DNAH14: variants seen among roughly 807,000 people sequenced by gnomAD.
DNAH14 encodes dynein axonemal heavy chain 14.
In DNAH14, 478 loss-of-function variants were observed where a neutral mutation model predicts 520.9. That is an observed-to-expected ratio of 0.92 (90% confidence interval 0.85 to 0.99). DNAH14 has a LOEUF of 0.99. DNAH14 is among the 50% of genes least tolerant of loss of function. DNAH14 has a pLI of 0.00. For missense variants in DNAH14, 4,831 were observed against 5,234.5 expected (o/e 0.92, Z 2.38); for synonymous variants, 1,581 against 1,757.2 (o/e 0.90, Z 2.51).
At chr1:225,106,250 A>C (rs1413935620) in intron 23 of DNAH14, among the ~76,000 whole-genome samples, 1 of 151,694 alleles carries the variant, frequency 6.6e-6, no homozygotes, top group Admixed American at 6.6e-5. Flanking sequence ...CCGAGAGACC[A>C]GCTGTTAGTG....
chr1:225,194,306 T>C (rs1201737930), intron 38 of DNAH14, among the ~76,000 whole-genome samples: 1 of 152,160 alleles, frequency 6.6e-6, no homozygotes, highest in African/African-American at 2.4e-5. Context: ...ATGATACTTA[T>C]ACAAATGCAG....
chr1:225,307,594 T>A, intron 59 of DNAH14, 25 bp downstream of exon 59: 1 of 1,494,772 alleles, frequency 6.7e-7, no homozygotes, highest in Non-Finnish European at 9.0e-7. Context: ...AAATCTCTTT[T>A]AAAGATTTTA....
Position 225,043,990 on chromosome 1 carries a change from GT to G in DNAH14, c.1912+12del, listed in dbSNP as rs1003466109. On this transcript the variant is annotated splice_region_variant and intron_variant, in intron 15 of 85. Transcript: ENST00000682510. ...AATATGGAAAAATGTATAAGTAAGT[GT>G]TTTTAAAGCTTAGTGAAATGCATTG... 6 of 1,441,726 alleles carry G rather than the reference GT, an allele frequency of 4.2e-6. No individual in the cohort carries two copies. The Admixed American group carries it at 9.3e-5, about 22-fold the overall frequency. The allele number at this position is 1,441,726 out of a possible 1,614,324, so 89.3% of individuals were successfully genotyped here.
rs1558890802 is a variant in DNAH14, at chr1:225,080,386, C to T, written c.2774C>T (p.Thr925Ile). The T allele has an allele frequency of 1.3e-6, 2 of 1,528,082 alleles. No individual in the cohort carries two copies. Among genetic ancestry groups the T allele is most frequent in the Non-Finnish European group, 1.8e-6 (2 of 1,136,762 alleles). The allele number at this position is 1,528,082 out of a possible 1,614,324, so 94.7% of individuals were successfully genotyped here. A position where few individuals can be genotyped will look rare whatever the true frequency, so the allele number is the denominator to read the frequency against. Residue 925 changes from threonine to isoleucine, a missense_variant, in exon 19 of 86, where the codon ACT becomes ATT. Physicochemically the swap from Thr to Ile is moderately conservative, Grantham distance 89. Coordinates refer to ENST00000682510, the MANE Select transcript of DNAH14 (RefSeq NM_001367479.1). ...CCTACTCTTATTTTTTAGATAAGAA[C>T]TCCTCTTCTGTTATGTGCTGGTACT... is the stretch of plus-strand genomic sequence containing the variant. ...DVGNLKAKIR[T>I]PLLLCAGTQV...
chr1:225,218,765 A>G (rs1368792832), intron 41 of DNAH14, among the ~76,000 whole-genome samples: 1 of 152,202 alleles, frequency 6.6e-6, no homozygotes, highest in Non-Finnish European at 1.5e-5. Context: ...CAGAAAATTC[A>G]CAAGGATATC....
chr1:225,025,250 T>C (rs1437614970), intron 11 of DNAH14, among the ~76,000 whole-genome samples: 2 of 151,952 alleles, frequency 1.3e-5, no homozygotes, highest in African/African-American at 4.8e-5. Context: ...GAGGATCACT[T>C]GAGCCTGGGA....
rs139726558 is a variant in DNAH14 at position 225,119,981 on chromosome 1, C to T, written c.4166+687C>T. Among the ~76,000 whole-genome samples the T allele has an allele frequency of 7.6e-4, 116 of 152,252 alleles. 1 individual carries two copies. The highest frequency in any genetic ancestry group is 2.7e-3 in the Admixed American group (42 of 15,302). ...TCCTTTTCTTCAATTCTTGTAACCA[C>T]CCAGTGGGTTCACCTTGCCTGCTGC... is the stretch of plus-strand genomic sequence containing the variant. On this transcript the variant is annotated intron_variant, in intron 26 of 85. Coordinates refer to ENST00000682510, the MANE Select transcript of DNAH14 (RefSeq NM_001367479.1).
At chr1:225,357,323 A>G (rs576613080) in intron 73 of DNAH14, among the ~76,000 whole-genome samples, 57 of 152,318 alleles carry the variant, frequency 3.7e-4, no homozygotes, top group African/African-American at 1.3e-3. Context: ...TCTAAAAAAA[A>G]AAAATAGTCC....
chr1:224,947,400 A>G (rs1398722725), intron 1 of DNAH14, among the ~76,000 whole-genome samples: 2 of 152,064 alleles, frequency 1.3e-5, no homozygotes, highest in African/African-American at 4.8e-5. Context: ...TTCTATATAA[A>G]TTTTTAATCA....
chr1:225,311,295 C>T (rs372481520), intron 60 of DNAH14, among the ~76,000 whole-genome samples: 6 of 151,704 alleles, frequency 4.0e-5, no homozygotes, highest in Admixed American at 1.3e-4. Context: ...TTGATGAGGT[C>T]GTTTGTTTTT....
At chr1:225,385,770 C>G (rs1035768477) in intron 81 of DNAH14, among the ~76,000 whole-genome samples, 9 of 152,118 alleles carry the variant, frequency 5.9e-5, no homozygotes, top group African/African-American at 1.2e-4. Flanking sequence ...CTCATGGATA[C>G]GAAGAATCAA....
At chr1:225,186,597 T>C (rs1445326106) in intron 37 of DNAH14, among the ~76,000 whole-genome samples, 1 of 151,794 alleles carries the variant, frequency 6.6e-6, no homozygotes. Flanking sequence ...AATAATACAG[T>C]AAAATGTGAA....
At position 225,388,469 on chromosome 1, in the gene DNAH14, G is replaced by C. The variant is rs1381621423; in HGVS notation, c.13168G>C (p.Ala4390Pro). 6.6e-7 allele frequency: 1 copy of C among 1,526,150 alleles called. No individual in the cohort carries two copies. 94.5% of individuals were successfully genotyped at this position (1,526,150 alleles called of 1,614,324 possible). ...TTTCTTCAATACTTGGGCCAAAGTG[G>C]CTTATACTGCAATACAGCGTCGGTA... ...LNFFNTWAKV[A>P]YTAIQRRYMR... The change falls in exon 82 of 86, where the codon GCT (alanine) becomes CCT (proline). Residue 4390 changes from alanine (A) to proline (P), a missense_variant. Physicochemically the swap from Ala to Pro is conservative, Grantham distance 27 (BLOSUM62 -1). Coordinates refer to ENST00000682510, the MANE Select transcript of DNAH14 (RefSeq NM_001367479.1).
chr1:225,335,183 ATG>A (rs963764611), intron 66 of DNAH14, among the ~76,000 whole-genome samples: 5 of 142,438 alleles, frequency 3.5e-5, no homozygotes, highest in East Asian at 2.0e-4. Context: ...ACATGTGCGC[ATG>A]TGTGTATATA....
At chr1:224,931,344 A>C (rs2058685018) in intron 1 of DNAH14, among the ~76,000 whole-genome samples, 1 of 152,164 alleles carries the variant, frequency 6.6e-6, no homozygotes, top group African/African-American at 2.4e-5. Flanking sequence ...ATTATTGAAA[A>C]ATTTATTTTT....
chr1:225,306,620 A>G (rs1253551994), intron 58 of DNAH14, among the ~76,000 whole-genome samples: 1 of 152,094 alleles, frequency 6.6e-6, no homozygotes, highest in Non-Finnish European at 1.5e-5. Flanking sequence ...ACCAGTCCCT[A>G]TCACAGTCAT....
At chr1:225,326,308 A>G (rs2094667445) in intron 64 of DNAH14, among the ~76,000 whole-genome samples, 1 of 152,240 alleles carries the variant, frequency 6.6e-6, no homozygotes, top group South Asian at 2.1e-4. Context: ...ACAGGCTTTT[A>G]AACTGCTACA....
At chr1:224,948,433 C>T (rs1266692327) in intron 1 of DNAH14, among the ~76,000 whole-genome samples, 1 of 151,600 alleles carries the variant, frequency 6.6e-6, no homozygotes, top group African/African-American at 2.4e-5. Context: ...TATCTCTTTC[C>T]TGTACTTGCA....
rs1382903494 is a variant in DNAH14 at position 225,130,866 on chromosome 1, CT to C, written c.4254+7253del. Among the ~76,000 whole-genome samples, 6 of 151,924 alleles carry C rather than the reference CT, an allele frequency of 3.9e-5. No homozygotes were observed. In the South Asian group the frequency reaches 1.0e-3, roughly 26 times the overall value. On this transcript the variant is annotated intron_variant, in intron 27 of 85. Coordinates refer to ENST00000682510, the MANE Select transcript of DNAH14 (RefSeq NM_001367479.1). Reference sequence around the variant, plus strand: ...ATAAAAAAAGGAAAAAATGCAATATCTGTGAAGTACAATAAAATGAAGCACA... The same window carrying C: ...ATAAAAAAAGGAAAAAATGCAATATCGTGAAGTACAATAAAATGAAGCACA...
Sources: gnomAD v4.1 joint callset for allele counts (sites outside exome capture counted in the v4.1 genomes callset) on GRCh38, gnomAD v4.1.1 for gene constraint, MANE v1.5 for transcripts, NCBI Gene and HGNC (gene_info 2026-07-23, HGNC 2026-07-21) for gene names.